PLA2G6: variants seen among roughly 807,000 people sequenced by gnomAD.
The protein encoded by PLA2G6 is 85/88 kDa calcium-independent phospholipase A2.
A neutral mutation model predicts 83.8 loss-of-function variants in PLA2G6; 62 were observed. The ratio of observed to expected loss-of-function variants is 0.74; its 90% confidence interval spans 0.60 to 0.91. The LOEUF (loss-of-function observed/expected upper bound fraction) is 0.91, where lower values mean the gene tolerates loss of function less well. Among genes scored for constraint, PLA2G6 ranks in the 40% least tolerant of loss-of-function variants. The probability of loss-of-function intolerance (pLI) is 0.00; values close to 1 mark genes in which losing one functional copy is unlikely to be tolerated. For missense variants in PLA2G6, 944 were observed against 1,102.0 expected (o/e 0.86, Z 2.03); for synonymous variants, 417 against 449.8 (o/e 0.93, Z 0.92).
At chr22:38,169,492 T>C in intron 1 of PLA2G6, 21 bp from the exon 2 acceptor site, 1 of 1,424,104 alleles carries the variant, frequency 7.0e-7, no homozygotes. Context: ...ACGAGGTCTC[T>C]GGTCAGCCAG....
intron 2 of PLA2G6, among the ~76,000 whole-genome samples, chr22:38,152,834 A>G (rs998573499): frequency 3.9e-5 from 6 of 152,214 alleles, no homozygotes; most frequent in African/African-American, 7.2e-5. Context: ...ACAGAATCAT[A>G]TGAAAACGCT....
rs1246955232 is a variant in PLA2G6 at position 38,125,643 on chromosome 22, T to A, written c.1427+728A>T. 8.5e-6 allele frequency: 4 copies of A among 470,196 alleles called. No individual in the cohort carries two copies. In the East Asian group the frequency reaches 2.8e-4, roughly 33 times the overall value. 29.1% of individuals were successfully genotyped at this position (470,196 alleles called of 1,614,324 possible). On this transcript the variant is annotated intron_variant, in intron 10 of 16. Coordinates refer to ENST00000332509, the MANE Select transcript of PLA2G6 (RefSeq NM_003560.4). ...AGTTGCCACCCTGACACTCACTCCGTGTGACCTTGAGCAAGTCACTTCACC... is the reference window on the plus strand; with the variant it reads ...AGTTGCCACCCTGACACTCACTCCGAGTGACCTTGAGCAAGTCACTTCACC...
intron 2 of PLA2G6, among the ~76,000 whole-genome samples, chr22:38,162,209 AAAAAAAAAAAAAAG>A (rs1186841028): frequency 2.8e-5 from 2 of 71,026 alleles, no homozygotes; most frequent in African/African-American, 3.9e-5. Flanking sequence ...ACTCTGTGTC[AAAAAAAAAAAAAAG>A]AAAAAAAAAA....
chr22:38,171,032 C>T (rs534135365), intron 1 of PLA2G6, among the ~76,000 whole-genome samples: 3 of 152,106 alleles, frequency 2.0e-5, no homozygotes, highest in East Asian at 3.9e-4. Flanking sequence ...ATTAGCCAGG[C>T]ATGGTGGCGC....
At chr22:38,162,452 A>G (rs6001034) in intron 2 of PLA2G6, among the ~76,000 whole-genome samples, 61,124 of 151,864 alleles carry the variant, frequency 0.4, 12,659 homozygotes, top group South Asian at 0.49. Flanking sequence ...AAAAGCGGCC[A>G]GGAGCAATTC....
At chr22:38,125,366 G>A (rs893692699) in intron 10 of PLA2G6, among the ~76,000 whole-genome samples, 2 of 152,204 alleles carry the variant, frequency 1.3e-5, no homozygotes, top group Non-Finnish European at 2.9e-5. Flanking sequence ...GCATGCAGGG[G>A]GCACAGGGGA....
rs373680156 is a variant in PLA2G6 at position 38,174,270 on chromosome 22, T to C, written c.-45-4799A>G. On this transcript the variant is annotated intron_variant, in intron 1 of 16. Transcript: ENST00000332509. ...AAAATTAGCTGGGCGTGGTGGCGGG[T>C]GCCTGTAGTCCCAGCTATTCGGGAG... 2.5e-3 allele frequency among the ~76,000 whole-genome samples: 371 copies of C among 151,314 alleles called. 2 individuals are homozygous for C. The highest frequency in any genetic ancestry group is 8.2e-3 in the African/African-American group (338 of 41,222).
chr22:38,162,223 G>GAAAAAAAAAAAAAAAAAAAAAAAAA (rs1275564882), intron 2 of PLA2G6, among the ~76,000 whole-genome samples: 1 of 99,460 alleles, frequency 1.0e-5, no homozygotes. Context: ...AAAAAAAAAA[G>GAAAAAAAAAAAAAAAAAAAAAAAAA]AAAAAAAAAA....
rs559846900 is a variant in PLA2G6, at chr22:38,174,364, C to T, written c.-45-4893G>A. On this transcript the variant is annotated intron_variant, in intron 1 of 16. Coordinates refer to ENST00000332509, the MANE Select transcript of PLA2G6 (RefSeq NM_003560.4). ...AGTGAGCCGAGATCATGTCACTGCA[C>T]TCCAGCCTGGGCGAGAGCGAGACTC... Among the ~76,000 whole-genome samples the T allele has an allele frequency of 7.9e-5, 12 of 152,152 alleles. 1 individual carries two copies. The highest frequency in any genetic ancestry group is 2.9e-4 in the African/African-American group (12 of 41,484).
At position 38,132,256 on chromosome 22, in the gene PLA2G6, C is replaced by T. The variant is rs1346471945; in HGVS notation, c.1077+575G>A. 6 of 349,954 alleles carry T rather than the reference C, an allele frequency of 1.7e-5. No homozygotes were observed. Among genetic ancestry groups the T allele is most frequent in the Middle Eastern group, 3.8e-4 (1 of 2,620 alleles). 21.7% of individuals were successfully genotyped at this position (349,954 alleles called of 1,614,324 possible). ...GGAACTGTGTTCTATAATAAACCAA[C>T]GAATATGCCTGGCACCTGCCACAGG... is the stretch of plus-strand genomic sequence containing the variant. On this transcript the variant is annotated intron_variant, in intron 7 of 16. Coordinates refer to ENST00000332509, the MANE Select transcript of PLA2G6 (RefSeq NM_003560.4). This position sits in a 1 kb window ranked among gnomAD's most constrained non-coding sequence, Gnocchi z 5.0.
At chr22:38,119,308 C>T (rs1033866450) in intron 12 of PLA2G6, among the ~76,000 whole-genome samples, 6 of 152,138 alleles carry the variant, frequency 3.9e-5, no homozygotes, top group African/African-American at 7.2e-5. Context: ...GGATGCTTGA[C>T]CCACTGCTGA....
chr22:38,135,106 T>C lies in PLA2G6; in HGVS notation c.798-22A>G, dbSNP rs372731031. ...ACACCTGGTGAGAGAGGGGCCCCGG[T>C]TGGTGAGCAGAAGCTAGGGTCTGCG... On this transcript the variant is annotated intron_variant, in intron 5 of 16. Coordinates refer to ENST00000332509, the MANE Select transcript of PLA2G6 (RefSeq NM_003560.4). 128 of 1,576,650 alleles carry C rather than the reference T, an allele frequency of 8.1e-5. No homozygotes were observed. The African/African-American group carries it at 1.2e-3, about 14-fold the overall frequency.
At position 38,115,666 on chromosome 22, in the gene PLA2G6, C is replaced by T. The variant is rs370975770; in HGVS notation, c.1895G>A (p.Arg632Gln). 8.1e-6 allele frequency: 13 copies of T among 1,600,142 alleles called. No individual in the cohort carries two copies. Among genetic ancestry groups the T allele is most frequent in the East Asian group, 4.5e-5 (2 of 44,276 alleles). ...AGCTGCCCCGCTGCTTCGGGCCGCC[C>T]GCCACACCAGCTGGTCTAGGGGCGG... ...PAQPSDQLVW[R>Q]AARSSGAAPT... Residue 632 changes from arginine (R) to glutamine (Q), a missense_variant, in exon 14 of 17, where the codon CGG (arginine) becomes CAG (glutamine). Physicochemically the swap from Arg to Gln is conservative, Grantham distance 43. Coordinates refer to ENST00000332509, the MANE Select transcript of PLA2G6 (RefSeq NM_003560.4).
In PLA2G6 at chr22:38,143,043, A is replaced by G. The variant is rs1477880793; in HGVS notation, c.609+62T>C. On this transcript the variant is annotated intron_variant, in intron 4 of 16. Coordinates refer to ENST00000332509, the MANE Select transcript of PLA2G6 (RefSeq NM_003560.4). ...GAGTGACACCTGAGCCTAGGGGCCC[A>G]AAGGGAACCGTGGACACCGGGAGGT... The G allele has an allele frequency of 5.9e-6, 9 of 1,527,574 alleles. No homozygotes were observed. The East Asian group carries it at 1.8e-4, about 31-fold the overall frequency. 94.6% of individuals were successfully genotyped at this position (1,527,574 alleles called of 1,614,324 possible).
chr22:38,143,693 C>T (rs1602176037), intron 3 of PLA2G6: 2 of 351,146 alleles, frequency 5.7e-6, no homozygotes, highest in East Asian at 1.4e-4. Flanking sequence ...TGAGATGAGA[C>T]AGTGCTGTCC....
chr22:38,151,912 T>G (rs1011785468), intron 2 of PLA2G6, among the ~76,000 whole-genome samples: 20 of 152,326 alleles, frequency 1.3e-4, no homozygotes, highest in Admixed American at 7.2e-4. Context: ...ATCTTGATTA[T>G]GCTGAAAAGT....
In PLA2G6 at chr22:38,123,804, A is replaced by G. The variant is rs11570728; in HGVS notation, c.1428-546T>C. ...AGCATTAGCTCATGTCATTGTCCCA[A>G]ACGCCTCTGAGGCAGACCCTCCCTG... On this transcript the variant is annotated intron_variant, in intron 10 of 16. Coordinates refer to ENST00000332509, the MANE Select transcript of PLA2G6 (RefSeq NM_003560.4). This position sits in a 1 kb window ranked among gnomAD's most constrained non-coding sequence, Gnocchi z 4.1. Among the ~76,000 whole-genome samples the G allele has an allele frequency of 9.4e-3, 1,430 of 152,222 alleles. 25 individuals carry two copies. The highest frequency in any genetic ancestry group is 0.032 in the African/African-American group (1,333 of 41,526).
At chr22:38,170,354 T>C (rs754347611) in intron 1 of PLA2G6, among the ~76,000 whole-genome samples, 1 of 152,086 alleles carries the variant, frequency 6.6e-6, no homozygotes, top group Non-Finnish European at 1.5e-5. Context: ...TGTTTCCTGC[T>C]ACCACAGGTT....
chr22:38,154,405 A>G lies in PLA2G6; in HGVS notation c.210-8752T>C, dbSNP rs145057897. Among the ~76,000 whole-genome samples, 324 of 152,310 alleles carry G rather than the reference A, an allele frequency of 2.1e-3. 5 individuals carry two copies. Among genetic ancestry groups the G allele is most frequent in the African/African-American group, 7.6e-3 (315 of 41,576 alleles). Reference sequence around the variant, plus strand: ...TAGCTCCAGGCGGCCCAGCACAGAGAGAGAGACTCCACTTTTAGGGGAGAA... The same window carrying G: ...TAGCTCCAGGCGGCCCAGCACAGAGGGAGAGACTCCACTTTTAGGGGAGAA... On this transcript the variant is annotated intron_variant, in intron 2 of 16. Transcript: ENST00000332509.
Sources: allele counts gnomAD v4.1 joint callset (sites outside exome capture counted in the v4.1 genomes callset), GRCh38; gene constraint gnomAD v4.1.1; non-coding constraint Gnocchi (gnomAD v3.1); transcripts MANE v1.5; gene names NCBI Gene and HGNC (gene_info 2026-07-23, HGNC 2026-07-21).